The following MAPK10 variants were observed in gnomAD, a reference collection of about 807,000 sequenced individuals.
MAPK10 encodes mitogen-activated protein kinase 10.
A neutral mutation model predicts 59.3 loss-of-function variants in MAPK10; 25 were observed. The observed-to-expected ratio is 0.42, with a 90% CI of 0.31 to 0.59. MAPK10 has a LOEUF of 0.59. Ranked by LOEUF, MAPK10 falls within the 20% of genes least tolerant of loss-of-function variation. The pLI is 0.15. For missense variants in MAPK10, 351 were observed against 568.9 expected (o/e 0.62, Z 3.90); for synonymous variants, 190 against 200.5 (o/e 0.95, Z 0.44).
At chr4:86,479,462 T>C (rs1753396109) in intron 1 of MAPK10, among the ~76,000 whole-genome samples, 1 of 141,916 alleles carries the variant, frequency 7.0e-6, no homozygotes, top group Non-Finnish European at 1.5e-5. Context: ...CAACTTGGAC[T>C]GCACCCCCCA....
intron 1 of MAPK10, among the ~76,000 whole-genome samples, chr4:86,440,829 A>G (rs1237628504): frequency 1.3e-5 from 2 of 152,160 alleles, no homozygotes; most frequent in African/African-American, 2.4e-5. Context: ...CCTTAACTAC[A>G]TGTGTGCATA....
chr4:86,274,006 T>G (rs552805773), intron 2 of MAPK10, among the ~76,000 whole-genome samples: 1 of 152,132 alleles, frequency 6.6e-6, no homozygotes, highest in African/African-American at 2.4e-5. Context: ...TTTTATTGAT[T>G]TAGCTATTAA....
chr4:86,221,862 G>A (rs1281912201), intron 2 of MAPK10, among the ~76,000 whole-genome samples: 1 of 152,118 alleles, frequency 6.6e-6, no homozygotes, highest in Non-Finnish European at 1.5e-5. Flanking sequence ...TTGGAACATG[G>A]GGGTGGAATT....
intron 1 of MAPK10, among the ~76,000 whole-genome samples, chr4:86,378,546 G>A (rs1380490993): frequency 6.6e-6 from 1 of 152,180 alleles, no homozygotes; most frequent in Non-Finnish European, 1.5e-5. Flanking sequence ...TAAAATGTGT[G>A]AGGATGAGGA....
chr4:86,060,486 A>C (rs2045535026), intron 11 of MAPK10, among the ~76,000 whole-genome samples: 1 of 152,104 alleles, frequency 6.6e-6, no homozygotes, highest in Admixed American at 6.5e-5. Flanking sequence ...CTTAGCTTGG[A>C]GTTCACCCAG....
chr4:86,409,901 C>A lies in MAPK10; in HGVS notation c.-122+43129G>T, dbSNP rs531720381. The stretch of plus-strand genomic sequence containing the variant: ...AATTGAATACCTTTAATTTCTTTCT[C>A]TTGCCTGATTGCCCTAGCCAGAACT... On this transcript the variant is annotated intron_variant, in intron 1 of 13. Coordinates refer to the MAPK10 transcript ENST00000361569. Among the ~76,000 whole-genome samples, 9 of 152,284 alleles carry A rather than the reference C, an allele frequency of 5.9e-5. No individual in the cohort carries two copies. The East Asian group carries it at 1.7e-3, about 29-fold the overall frequency.
intron 11 of MAPK10, among the ~76,000 whole-genome samples, chr4:86,061,599 T>A (rs1315952659): frequency 6.6e-6 from 1 of 152,174 alleles, no homozygotes; most frequent in Admixed American, 6.5e-5. Context: ...TTGGGAAACA[T>A]GATAAGATAG....
chr4:86,114,647 A>T (rs991712219), intron 4 of MAPK10, among the ~76,000 whole-genome samples: 2 of 152,200 alleles, frequency 1.3e-5, no homozygotes, highest in African/African-American at 2.4e-5. Flanking sequence ...GGGAGGTCTC[A>T]CTCAGTCAGG....
At chr4:86,413,248 A>G (rs2149028339) in intron 1 of MAPK10, among the ~76,000 whole-genome samples, 1 of 152,246 alleles carries the variant, frequency 6.6e-6, no homozygotes, top group African/African-American at 2.4e-5. Context: ...GCAGAACAGC[A>G]AATATTGCTG....
At chr4:86,080,107 A>G (rs879873940) in intron 9 of MAPK10, 62 of 152,100 alleles carry the variant, frequency 4.1e-4, no homozygotes, top group Admixed American at 3.3e-4. Flanking sequence ...TTTATGTTAT[A>G]AATGAATGTC....
At chr4:86,250,033 T>C (rs1196677568) in intron 2 of MAPK10, among the ~76,000 whole-genome samples, 2 of 152,150 alleles carry the variant, frequency 1.3e-5, no homozygotes, top group East Asian at 1.9e-4. Context: ...TGCCCAAAAA[T>C]AGAGTATCTA....
At chr4:86,433,055 A>G (rs1467486844) in intron 1 of MAPK10, among the ~76,000 whole-genome samples, 3 of 152,194 alleles carry the variant, frequency 2.0e-5, no homozygotes, top group Non-Finnish European at 4.4e-5. Flanking sequence ...AGTTTGTCCC[A>G]CTAACCCTCC....
At chr4:86,582,414 A>G (rs955388821) in intron 1 of MAPK10, among the ~76,000 whole-genome samples, 1 of 152,216 alleles carries the variant, frequency 6.6e-6, no homozygotes, top group African/African-American at 2.4e-5. Flanking sequence ...AAAATCAAGC[A>G]AGGGTTTTTG....
At chr4:86,169,901 G>A (rs2073466352) in intron 3 of MAPK10, among the ~76,000 whole-genome samples, 1 of 151,994 alleles carries the variant, frequency 6.6e-6, no homozygotes, top group Admixed American at 6.6e-5. Flanking sequence ...GAGAGTGGGG[G>A]CCAATATTCA....
At chr4:86,148,646 T>G (rs1010369848) in intron 4 of MAPK10, among the ~76,000 whole-genome samples, 1 of 152,178 alleles carries the variant, frequency 6.6e-6, no homozygotes, top group Non-Finnish European at 1.5e-5. Context: ...GAAGAAACTA[T>G]GACTCCGTAA....
At chr4:86,331,813 G>T (rs961826368) in intron 2 of MAPK10, among the ~76,000 whole-genome samples, 3 of 151,974 alleles carry the variant, frequency 2.0e-5, no homozygotes, top group Non-Finnish European at 4.4e-5. Context: ...TGCTTTATAG[G>T]TAATGTGAAC....
intron 1 of MAPK10, among the ~76,000 whole-genome samples, chr4:86,372,564 G>GAAAGAAAGAAAGAAAGAAAAGAAAAGA: frequency 1.2e-3 from 93 of 78,516 alleles, no homozygotes; most frequent in South Asian, 2.2e-3. Context: ...AAGAAAGAAA[G>GAAAGAAAGAAAGAAAGAAAAGAAAAGA]AAAGAAAAGA....
At chr4:86,145,319 G>A (rs1388075296) in intron 4 of MAPK10, among the ~76,000 whole-genome samples, 3 of 79,490 alleles carry the variant, frequency 3.8e-5, no homozygotes, top group African/African-American at 1.6e-4. Flanking sequence ...CCGAGATCGC[G>A]CCACTGCACT....
chr4:86,320,966 C>CA (rs776026754), intron 2 of MAPK10, among the ~76,000 whole-genome samples: 39,160 of 151,836 alleles, frequency 0.26, 5,236 homozygotes, highest in South Asian at 0.43. Context: ...ATTATGCAGC[C>CA]AAAAAACACA....
Sources: gnomAD v4.1 joint callset for allele counts (sites outside exome capture counted in the v4.1 genomes callset) on GRCh38, gnomAD v4.1.1 for gene constraint, MANE v1.5 for transcripts, NCBI Gene and HGNC (gene_info 2026-07-23, HGNC 2026-07-21) for gene names.